Variants in SORL1 observed in about 807,000 individuals in gnomAD.
SORL1 encodes the protein sortilin-related receptor.
SORL1 carries 127 observed loss-of-function variants against 273.7 expected under a neutral mutation model. The ratio of observed to expected loss-of-function variants is 0.46; its 90% CI spans 0.40 to 0.54. The LOEUF (loss-of-function observed/expected upper bound fraction) is 0.54. Ranked by LOEUF, SORL1 falls within the 20% of genes least tolerant of loss-of-function variation. The pLI is 0.00. For synonymous variants in SORL1, 1,031 were observed against 1,067.4 expected (o/e 0.97, Z 0.66); for missense variants, 2,494 against 2,846.1 (o/e 0.88, Z 2.81).
chr11:121,555,100 G>C (rs1440298656), intron 17 of SORL1, 87 bp from the exon 18 acceptor site: 2 of 1,380,690 alleles, frequency 1.4e-6, no homozygotes, highest in Non-Finnish European at 1.9e-6. Context: ...CCTGCCAGTT[G>C]AATAAAGGGT....
At chr11:121,629,363 G>A in intron 47 of SORL1, 133 bp from the exon 48 acceptor site, 1 of 616,502 alleles carries the variant, frequency 1.6e-6, no homozygotes, top group South Asian at 2.0e-5. Flanking sequence ...TGATTATGGT[G>A]GCTGCCTGGC....
intron 1 of SORL1, among the ~76,000 whole-genome samples, chr11:121,469,758 A>G (rs1367322860): frequency 1.3e-5 from 2 of 152,252 alleles, no homozygotes; most frequent in Non-Finnish European, 1.5e-5. Flanking sequence ...GGTTATGCCA[A>G]TGAGAGCCCA....
At chr11:121,545,503 C>T (rs1862412581) in intron 14 of SORL1, 74 bp downstream of exon 14, 8 of 1,393,502 alleles carry the variant, frequency 5.7e-6, no homozygotes, top group Middle Eastern at 2.3e-4. Context: ...AGAGATTAGG[C>T]ATGGTCCCTT....
chr11:121,633,538 T>A lies in SORL1; in HGVS notation c.*3975T>A, dbSNP rs1328886594. Reference sequence around the variant, plus strand: ...TCTCCAAAGCGAAATTAAGTATTTATAATTTCAATTGCCTCGATAAGTTTC... The same window carrying A: ...TCTCCAAAGCGAAATTAAGTATTTAAAATTTCAATTGCCTCGATAAGTTTC... On this transcript the variant is annotated 3_prime_UTR_variant, in exon 48 of 48. Transcript: ENST00000260197. 1 of 152,258 alleles carries A rather than the reference T, an allele frequency of 6.6e-6. No homozygotes were observed. The highest frequency in any genetic ancestry group is 1.5e-5 in the Non-Finnish European group (1 of 68,048). The allele number at this position is 152,258 out of a possible 1,614,324, so 9.4% of individuals were successfully genotyped here. A position where few individuals can be genotyped will look rare whatever the true frequency, so the allele number is the denominator to read the frequency against.
rs183767247 is a variant in SORL1, at chr11:121,501,327, A to G, written c.939+4278A>G. On this transcript the variant is annotated intron_variant, in intron 6 of 47. Transcript: ENST00000260197. ...CAATGATCATCATTACCTAATTCCA[A>G]ATATTTTTATCACCTCAGAAAGAAA... Among the ~76,000 whole-genome samples the G allele has an allele frequency of 4.3e-4, 66 of 152,306 alleles. 1 individual carries two copies. The highest frequency in any genetic ancestry group is 4.4e-5 in the Non-Finnish European group (3 of 68,024).
intron 27 of SORL1, among the ~76,000 whole-genome samples, chr11:121,586,698 G>GC: frequency 7.7e-5 from 1 of 12,908 alleles, no homozygotes; most frequent in African/African-American, 1.4e-4. Context: ...TAGAGTGGGG[G>GC]GGGGGGCGGG....
intron 32 of SORL1, among the ~76,000 whole-genome samples, chr11:121,597,780 T>G (rs1409569417): frequency 1.3e-5 from 2 of 152,016 alleles, no homozygotes; most frequent in African/African-American, 4.8e-5. Context: ...CAGATTCTAG[T>G]GGGAGGGACA....
intron 6 of SORL1, among the ~76,000 whole-genome samples, chr11:121,500,358 A>T (rs1025234909): frequency 1.3e-5 from 2 of 152,212 alleles, no homozygotes; most frequent in Non-Finnish European, 2.9e-5. Flanking sequence ...CAAAGACATG[A>T]TCTGTGGACT....
chr11:121,574,305 G>C lies in SORL1; in HGVS notation c.3402G>C (p.Leu1134=), dbSNP rs768521957. Residue 1134 remains leucine (L), a synonymous_variant, in exon 24 of 48, where the codon CTG becomes CTC. Transcript: ENST00000260197. ...AGGAGTCTGGGACTTGTATCCCACT[G>C]TCCTATAAATGTGACCTTGAGGATG... ...RCQESGTCIP[L]SYKCDLEDDC... is the part of the protein sequence containing the mutation. 3 of 1,613,720 alleles carry C rather than the reference G, an allele frequency of 1.9e-6. No homozygotes were observed. Among genetic ancestry groups the C allele is most frequent in the South Asian group, 1.1e-5 (1 of 91,072 alleles).
chr11:121,469,165 C>T (rs373327965), intron 1 of SORL1, among the ~76,000 whole-genome samples: 18 of 152,232 alleles, frequency 1.2e-4, no homozygotes, highest in African/African-American at 2.2e-4. Context: ...ATGCGGCCTG[C>T]GGATGGGGAA....
chr11:121,545,105 G>A (rs1301087830), intron 13 of SORL1, 138 bp from the exon 14 acceptor site: 3 of 713,920 alleles, frequency 4.2e-6, no homozygotes, highest in Non-Finnish European at 7.1e-6. Context: ...AAAACAAGCT[G>A]ATTGGAGGGT....
In SORL1 at chr11:121,615,046, C is replaced by A. The variant is rs762062132; in HGVS notation, c.5595C>A (p.Pro1865=). 2 of 1,597,656 alleles carry A rather than the reference C, an allele frequency of 1.3e-6. No individual in the cohort carries two copies. Among genetic ancestry groups the A allele is most frequent in the South Asian group, 2.2e-5 (2 of 89,038 alleles). ...QTAVECTWTG[P]RNVVYGIFYA... ...CAGTGGAATGTACCTGGACCGGCCCCCGGAATGTGGTGAGTCAGCCAGAAT... is the reference window on the plus strand; with the variant it reads ...CAGTGGAATGTACCTGGACCGGCCCACGGAATGTGGTGAGTCAGCCAGAAT... Residue 1865 remains proline, a synonymous_variant, in exon 41 of 48, where the codon CCC becomes CCA. Transcript: ENST00000260197.
chr11:121,482,185 A>G (rs1277357062), intron 3 of SORL1, among the ~76,000 whole-genome samples: 1 of 152,186 alleles, frequency 6.6e-6, no homozygotes, highest in Non-Finnish European at 1.5e-5. Context: ...CTTTGGAAGC[A>G]CTGGATCTGG....
At position 121,465,963 on chromosome 11, in the gene SORL1, G is replaced by A. The variant is rs574512991; in HGVS notation, c.286-4044G>A. Among the ~76,000 whole-genome samples, 10 of 152,302 alleles carry A rather than the reference G, an allele frequency of 6.6e-5. No individual in the cohort carries two copies. The South Asian group carries it at 2.1e-3, about 32-fold the overall frequency. ...ACCCCCCTAGGCCAGGTGATCTTTG[G>A]GGGGTGGGGTGGGAGGAGTTATCTT... On this transcript the variant is annotated intron_variant, in intron 1 of 47. Coordinates refer to ENST00000260197, the MANE Select transcript of SORL1 (RefSeq NM_003105.6).
chr11:121,508,831 A>G (rs1387088941), intron 6 of SORL1, among the ~76,000 whole-genome samples: 1 of 152,146 alleles, frequency 6.6e-6, no homozygotes, highest in Non-Finnish European at 1.5e-5. Flanking sequence ...GAAAAAGTTG[A>G]TTTTGAGGAT....
chr11:121,564,022 A>C (rs1934695011), intron 21 of SORL1, among the ~76,000 whole-genome samples: 1 of 152,174 alleles, frequency 6.6e-6, no homozygotes, highest in South Asian at 2.1e-4. Flanking sequence ...AAATGTGAAA[A>C]TGTTCTGAAC....
chr11:121,594,306 A>C (rs1189266095), intron 31 of SORL1, among the ~76,000 whole-genome samples: 2 of 152,230 alleles, frequency 1.3e-5, no homozygotes, highest in South Asian at 2.1e-4. Context: ...TTTTTCTTGA[A>C]GTTTTTATTA....
At chr11:121,495,528 G>A (rs1861616667) in intron 5 of SORL1, among the ~76,000 whole-genome samples, 1 of 152,148 alleles carries the variant, frequency 6.6e-6, no homozygotes, top group Non-Finnish European at 1.5e-5. Flanking sequence ...ATGCATATGG[G>A]ATTGTATAAG....
In SORL1 at chr11:121,605,444, C is replaced by G; in HGVS notation, c.4821C>G (p.Ser1607Arg). 2 of 1,613,970 alleles carry G rather than the reference C, an allele frequency of 1.2e-6. No individual in the cohort carries two copies. The highest frequency in any genetic ancestry group is 2.2e-5 in the South Asian group (2 of 91,074). The stretch of plus-strand genomic sequence containing the variant: ...TATGGAAGACTCTGGAGACCCACAG[C>G]AATAAGACAAACACTGTATTAAAAG... ...ESIWKTLETH[S>R]NKTNTVLKVL... The change falls in exon 35 of 48, where the codon AGC becomes AGG. Residue 1607 changes from serine (S) to arginine (R), a missense_variant. Ser to Arg is a moderately radical substitution (Grantham distance 110). Coordinates refer to ENST00000260197, the MANE Select transcript of SORL1 (RefSeq NM_003105.6).
Sources: allele counts gnomAD v4.1 joint callset (sites outside exome capture counted in the v4.1 genomes callset), GRCh38; gene constraint gnomAD v4.1.1; transcripts MANE v1.5; gene names NCBI Gene and HGNC (gene_info 2026-07-23, HGNC 2026-07-21).